The following INTS6 variants were observed in gnomAD, a reference collection of about 807,000 sequenced individuals.
INTS6 encodes integrator complex subunit 6, also known as DEAD box protein.
Under a neutral mutation model 104.9 loss-of-function variants are expected in INTS6, and 16 were observed. That is an observed-to-expected ratio of 0.15 (90% CI 0.10 to 0.23). The LOEUF is 0.23. Among genes scored for constraint, INTS6 ranks in the 10% least tolerant of loss-of-function variants. The pLI, the probability that INTS6 is intolerant of heterozygous loss-of-function variation, is 1.00. For missense variants in INTS6, 584 were observed against 1,062.8 expected, an observed-to-expected ratio of 0.55 and a Z score of 6.26; for synonymous variants, 324 against 358.7, an observed-to-expected ratio of 0.90 and a Z score of 1.09.
chr13:51,439,404 G>A (rs1167061220), intron 3 of INTS6: 1 of 152,008 alleles, frequency 6.6e-6, no homozygotes, highest in Non-Finnish European at 1.5e-5. Flanking sequence ...CCTCTTAACT[G>A]TAAGGTTTTT....
intron 3 of INTS6, 113 bp downstream of exon 3, chr13:51,450,912 T>G: frequency 7.4e-7 from 1 of 1,347,788 alleles, no homozygotes; most frequent in East Asian, 2.7e-5. Context: ...CATATTCTAT[T>G]TTAATTTGGA....
rs769068978 is a variant in INTS6 at position 51,376,040 on chromosome 13, G to A, written c.1729+8C>T. 4.4e-6 allele frequency: 7 copies of A among 1,600,388 alleles called. No individual in the cohort carries two copies. Among genetic ancestry groups the A allele is most frequent in the Non-Finnish European group, 6.0e-6 (7 of 1,174,956 alleles). On this transcript the variant is annotated splice_region_variant and intron_variant, in intron 13 of 17. Transcript: ENST00000311234. Reference sequence around the variant, plus strand: ...TTAAAAATACCAGTATTGAAACTATGTTCTAACCTTCGTCCTGTCCTTTCA... The same window carrying A: ...TTAAAAATACCAGTATTGAAACTATATTCTAACCTTCGTCCTGTCCTTTCA...
chr13:51,416,605 T>C lies in INTS6; in HGVS notation c.429+13689A>G, dbSNP rs527546955. Among the ~76,000 whole-genome samples, 243 of 152,346 alleles carry C rather than the reference T, an allele frequency of 1.6e-3. 1 individual carries two copies. The highest frequency in any genetic ancestry group is 0.01 in the Middle Eastern group (3 of 294). On this transcript the variant is annotated intron_variant, in intron 4 of 17. Transcript: ENST00000311234. ...ATTCCATTGTATGGATGTATCATATTTTGTTTATCCATTCATCAGGTAATA... is the reference window on the plus strand; with the variant it reads ...ATTCCATTGTATGGATGTATCATATCTTGTTTATCCATTCATCAGGTAATA...
chr13:51,390,752 A>G (rs1415241553), intron 5 of INTS6, among the ~76,000 whole-genome samples: 2 of 152,130 alleles, frequency 1.3e-5, no homozygotes, highest in African/African-American at 4.8e-5. Context: ...CTTAGAAAAA[A>G]TAAATACAAC....
chr13:51,437,232 A>G (rs1034493150), intron 3 of INTS6: 1 of 152,238 alleles, frequency 6.6e-6, no homozygotes, highest in African/African-American at 2.4e-5. Context: ...ATTTGACCTA[A>G]AAGAAATCTG....
chr13:51,355,606 C>G (rs995140497), intron 3 of INTS6, among the ~76,000 whole-genome samples: 1 of 152,094 alleles, frequency 6.6e-6, no homozygotes, highest in Non-Finnish European at 1.5e-5. Context: ...GTCCAATTTC[C>G]TTTTTTCAAA....
chr13:51,367,248 T>C (rs1235052688), intron 17 of INTS6, among the ~76,000 whole-genome samples: 1 of 151,958 alleles, frequency 6.6e-6, no homozygotes, highest in Non-Finnish European at 1.5e-5. Context: ...AGCCTGTACA[T>C]ATTCAATACA....
Position 51,452,259 on chromosome 13 carries a change from C to A in INTS6, c.111+156G>T. On this transcript the variant is annotated intron_variant, in intron 1 of 17. Transcript: ENST00000311234. The surrounding 1 kb of genome is among the most constrained non-coding windows in gnomAD (Gnocchi z 4.2). ...CCGGGCCCCGGCCGAACCCGGCTCGCAGCGCCCGCCCGCCCGCGCGGTGGG... is the reference window on the plus strand; with the variant it reads ...CCGGGCCCCGGCCGAACCCGGCTCGAAGCGCCCGCCCGCCCGCGCGGTGGG... 1 of 822,666 alleles carries A rather than the reference C, an allele frequency of 1.2e-6. No homozygotes were observed. Among genetic ancestry groups the A allele is most frequent in the Non-Finnish European group, 1.6e-6 (1 of 634,804 alleles). The allele number at this position is 822,666 out of a possible 1,614,324, so 51.0% of individuals were successfully genotyped here.
intron 3 of INTS6, chr13:51,445,103 A>G (rs571926532): frequency 6.6e-6 from 1 of 152,244 alleles, no homozygotes; most frequent in Admixed American, 6.5e-5. Context: ...TCTCATCTAA[A>G]ACGCACTAGG....
chr13:51,378,737 A>C (rs1410106746), intron 11 of INTS6, among the ~76,000 whole-genome samples: 1 of 152,044 alleles, frequency 6.6e-6, no homozygotes, highest in Non-Finnish European at 1.5e-5. Context: ...TAAACCATGA[A>C]ATATAAATGC....
At chr13:51,383,916 G>C (rs1269874200) in intron 7 of INTS6, 175 bp from the exon 8 acceptor site, 5 of 426,572 alleles carry the variant, frequency 1.2e-5, no homozygotes, top group Non-Finnish European at 1.2e-5. Context: ...CTAAAGTTAT[G>C]TAATATTCAC....
At chr13:51,368,765 T>G (rs762653681) in intron 16 of INTS6, among the ~76,000 whole-genome samples, 174 bp downstream of exon 16, 1 of 152,186 alleles carries the variant, frequency 6.6e-6, no homozygotes. Context: ...ACCTTGGAAA[T>G]AGAAGATATT....
chr13:51,404,575 C>T (rs564710558), intron 4 of INTS6, among the ~76,000 whole-genome samples: 1 of 152,266 alleles, frequency 6.6e-6, no homozygotes, highest in East Asian at 1.9e-4. Context: ...ACACTCCATC[C>T]AGCTCAATGT....
At chr13:51,443,537 T>C (rs757408898) in intron 3 of INTS6, 2 of 152,118 alleles carry the variant, frequency 1.3e-5, no homozygotes, top group Middle Eastern at 3.2e-3. Flanking sequence ...ATAGTAAGAC[T>C]AAACAAAAAT....
chr13:51,432,684 T>C (rs1455865270), intron 3 of INTS6, among the ~76,000 whole-genome samples: 3 of 152,190 alleles, frequency 2.0e-5, no homozygotes, highest in African/African-American at 7.2e-5. Flanking sequence ...AAATGTATGT[T>C]ACCTTTACCT....
intron 3 of INTS6, chr13:51,449,400 T>C: frequency 3.3e-6 from 3 of 900,782 alleles, no homozygotes; most frequent in Non-Finnish European, 4.0e-6. Context: ...GGGGCAGATA[T>C]CAACTGGGAA....
intron 9 of INTS6, among the ~76,000 whole-genome samples, chr13:51,382,712 A>G (rs1440623999): frequency 6.6e-6 from 1 of 152,380 alleles, no homozygotes; most frequent in East Asian, 1.9e-4. Context: ...CAGAAAGCCT[A>G]CATTACCAAT....
At chr13:51,438,680 G>GT (rs1952739421) in intron 3 of INTS6, 1 of 152,142 alleles carries the variant, frequency 6.6e-6, no homozygotes, top group Middle Eastern at 3.4e-3. Context: ...CAATCTCTTG[G>GT]TTTTCCTTTC....
At chr13:51,374,936 A>G in intron 13 of INTS6, 140 bp from the exon 14 acceptor site, 1 of 807,224 alleles carries the variant, frequency 1.2e-6, no homozygotes, top group Non-Finnish European at 1.9e-6. Context: ...TGGTGCAATT[A>G]TAACCACTGC....
Sources: allele counts gnomAD v4.1 joint callset (sites outside exome capture counted in the v4.1 genomes callset), GRCh38; gene constraint gnomAD v4.1.1; non-coding constraint Gnocchi (gnomAD v3.1); transcripts MANE v1.5; gene names NCBI Gene and HGNC (gene_info 2026-07-23, HGNC 2026-07-21).